EFR3A: variants seen among roughly 807,000 people sequenced by gnomAD.
The protein encoded by EFR3A is EFR3 homolog A, also known as protein EFR3 homolog A.
A neutral mutation model predicts 104.4 loss-of-function variants in EFR3A; 76 were observed. The ratio of observed to expected loss-of-function variants is 0.73; its 90% CI spans 0.60 to 0.88. EFR3A has a LOEUF of 0.88. Ranked by LOEUF, EFR3A falls within the 40% of genes least tolerant of loss-of-function variation. EFR3A has a pLI of 0.00. For synonymous variants in EFR3A, 330 were observed against 330.0 expected, an observed-to-expected ratio of 1.00 and a Z score of 0.00; for missense variants, 985 against 1,012.5, an observed-to-expected ratio of 0.97 and a Z score of 0.37.
At chr8:131,938,506 A>G (rs1818015500) in intron 1 of EFR3A, among the ~76,000 whole-genome samples, 1 of 152,122 alleles carries the variant, frequency 6.6e-6, no homozygotes, top group Non-Finnish European at 1.5e-5. Flanking sequence ...TGCCTTCTTT[A>G]TAGTGGGTAG....
At chr8:131,904,460 T>G in intron 1 of EFR3A, 138 bp downstream of exon 1, 1 of 884,504 alleles carries the variant, frequency 1.1e-6, no homozygotes. Flanking sequence ...AGCGGCGGAG[T>G]TAGTTTCGTT....
chr8:132,010,899 G>A lies in EFR3A; in HGVS notation c.*4G>A, dbSNP rs1470435344. ...TCCAGATCTGTGTGTGTACTGATCG[G>A]CGCATGAAGACCTCAGGATATGATT... On this transcript the variant is annotated 3_prime_UTR_variant, in exon 23 of 23. Coordinates refer to ENST00000254624, the MANE Select transcript of EFR3A (RefSeq NM_015137.6). 3 of 1,590,730 alleles carry A rather than the reference G, an allele frequency of 1.9e-6. No homozygotes were observed. Among genetic ancestry groups the A allele is most frequent in the East Asian group, 4.5e-5 (2 of 44,686 alleles).
chr8:131,996,377 A>C (rs1228480391), intron 18 of EFR3A, 29 bp from the exon 19 acceptor site: 4 of 1,370,650 alleles, frequency 2.9e-6, no homozygotes, highest in Non-Finnish European at 3.0e-6. Flanking sequence ...TTTCTAGCAA[A>C]TAATGGGAAG....
intron 6 of EFR3A, among the ~76,000 whole-genome samples, 167 bp downstream of exon 6, chr8:131,954,134 G>A (rs1818854531): frequency 6.6e-6 from 1 of 152,004 alleles, no homozygotes; most frequent in Non-Finnish European, 1.5e-5. Context: ...ACTCTGTAGT[G>A]ATCACATTAG....
At position 131,953,924 on chromosome 8, in the gene EFR3A, C is replaced by A; in HGVS notation, c.595C>A (p.Pro199Thr). ...WEPQHMDKIV[P>T]SLLFNMQKIE... is the part of the protein sequence containing the mutation. ...ACCTCAGCATATGGATAAGATTGTT[C>A]CATCCCTCCTGTTTAACATGCAAAA... is the stretch of plus-strand genomic sequence containing the variant. Residue 199 changes from proline (P) to threonine (T), a missense_variant, in exon 6 of 23, where the codon CCA (proline) becomes ACA (threonine). By Grantham distance (38) the Pro-to-Thr change is conservative. Transcript: ENST00000254624. 6.4e-7 allele frequency: 1 copy of A among 1,569,044 alleles called. No individual in the cohort carries two copies. Among genetic ancestry groups the A allele is most frequent in the Non-Finnish European group, 8.6e-7 (1 of 1,156,156 alleles).
intron 9 of EFR3A, among the ~76,000 whole-genome samples, chr8:131,970,274 T>C (rs1819975052): frequency 6.6e-6 from 1 of 152,184 alleles, no homozygotes; most frequent in African/African-American, 2.4e-5. Flanking sequence ...AAATGCCCAG[T>C]AAATGTTTGT....
At chr8:131,931,069 A>T (rs906713561) in intron 1 of EFR3A, among the ~76,000 whole-genome samples, 1 of 152,116 alleles carries the variant, frequency 6.6e-6, no homozygotes, top group Admixed American at 6.6e-5. Flanking sequence ...CATGAGGGCC[A>T]TGGTGGGAGG....
At chr8:131,976,767 T>C (rs1254345956) in intron 11 of EFR3A, among the ~76,000 whole-genome samples, 3 of 152,156 alleles carry the variant, frequency 2.0e-5, no homozygotes, top group Non-Finnish European at 4.4e-5. Flanking sequence ...TTGGGTTGTT[T>C]AGTTGTCTGT....
intron 5 of EFR3A, among the ~76,000 whole-genome samples, chr8:131,952,482 G>A (rs534652696): frequency 1.7e-4 from 26 of 152,216 alleles, no homozygotes; most frequent in African/African-American, 6.0e-4. Context: ...ATCTGCTGCT[G>A]CACCATTTAG....
chr8:132,010,216 T>C (rs1476999685), intron 22 of EFR3A, among the ~76,000 whole-genome samples: 3 of 151,676 alleles, frequency 2.0e-5, no homozygotes, highest in Admixed American at 6.6e-5. Flanking sequence ...ATTCCGGCAA[T>C]ATGTATGTAC....
intron 19 of EFR3A, among the ~76,000 whole-genome samples, chr8:131,999,148 T>C (rs1483202027): frequency 1.3e-5 from 2 of 152,156 alleles, no homozygotes; most frequent in Non-Finnish European, 1.5e-5. Context: ...CAGGATGTTA[T>C]ATATATTAAA....
intron 5 of EFR3A, among the ~76,000 whole-genome samples, chr8:131,953,011 A>G (rs1818783622): frequency 6.6e-6 from 1 of 152,212 alleles, no homozygotes; most frequent in South Asian, 2.1e-4. Flanking sequence ...TTTGAGACTC[A>G]TTGGGCCACC....
chr8:131,946,540 A>C lies in EFR3A; in HGVS notation c.273A>C (p.Gln91His). ...AACTTCTCATGGCTTGCCATTCTCAAAGCATTAAGCCATTTGTAGAAAGCT... is the reference window on the plus strand; with the variant it reads ...AACTTCTCATGGCTTGCCATTCTCACAGCATTAAGCCATTTGTAGAAAGCT... ...LDQLLMACHS[Q>H]SIKPFVESFL... The change falls in exon 4 of 23, where the codon CAA (glutamine) becomes CAC (histidine). Residue 91 changes from glutamine (Q) to histidine (H), a missense_variant. By Grantham distance (24) the Gln-to-His change is conservative. Coordinates refer to ENST00000254624, the MANE Select transcript of EFR3A (RefSeq NM_015137.6). 1.2e-6 allele frequency: 2 copies of C among 1,608,192 alleles called. No homozygotes were observed. The highest frequency in any genetic ancestry group is 1.7e-6 in the Non-Finnish European group (2 of 1,177,202).
At chr8:131,929,665 G>A (rs1817486267) in intron 1 of EFR3A, among the ~76,000 whole-genome samples, 1 of 152,080 alleles carries the variant, frequency 6.6e-6, no homozygotes, top group African/African-American at 2.4e-5. Context: ...TAGTGCCTAG[G>A]GCATGGTAGG....
chr8:131,954,255 T>G (rs549162443), intron 6 of EFR3A, among the ~76,000 whole-genome samples: 100 of 152,140 alleles, frequency 6.6e-4, no homozygotes, highest in Non-Finnish European at 1.2e-3. Context: ...GCTGTTTTAA[T>G]GGATACTACT....
chr8:131,979,238 A>T, intron 13 of EFR3A, 108 bp from the exon 14 acceptor site: 1 of 1,005,420 alleles, frequency 9.9e-7, no homozygotes, highest in Non-Finnish European at 1.4e-6. Flanking sequence ...TAGTATCATT[A>T]CATACAGGCT....
At chr8:131,949,829 T>A (rs2130601068) in intron 4 of EFR3A, 140 bp from the exon 5 acceptor site, 2 of 780,578 alleles carry the variant, frequency 2.6e-6, no homozygotes, top group Non-Finnish European at 3.9e-6. Context: ...GAAAGTTTCT[T>A]CTGTATTAAT....
chr8:131,935,585 C>A, intron 1 of EFR3A: 1 of 408,786 alleles, frequency 2.4e-6, no homozygotes, highest in Non-Finnish European at 4.9e-6. Context: ...AGAATTGCTA[C>A]ATAGAAGGTG....
At chr8:131,944,667 AT>A in intron 2 of EFR3A, 77 bp from the exon 3 acceptor site, 1 of 1,385,334 alleles carries the variant, frequency 7.2e-7, no homozygotes. Context: ...AGAAAGGGAA[AT>A]TGTAAAGCAG....
Sources: gnomAD v4.1 joint callset for allele counts (sites outside exome capture counted in the v4.1 genomes callset) on GRCh38, gnomAD v4.1.1 for gene constraint, MANE v1.5 for transcripts, NCBI Gene and HGNC (gene_info 2026-07-23, HGNC 2026-07-21) for gene names.